UBE2R2: variants seen among roughly 807,000 people sequenced by gnomAD.
UBE2R2 encodes ubiquitin conjugating enzyme E2 R2.
In UBE2R2, 1 loss-of-function variant was observed where a neutral mutation model predicts 27.8. The observed-to-expected ratio is 0.04, with a 90% CI of 0.01 to 0.17. The LOEUF (loss-of-function observed/expected upper bound fraction) is 0.17. UBE2R2 is among the 10% of genes least tolerant of loss of function. The pLI, the probability that UBE2R2 is intolerant of heterozygous loss-of-function variation, is 1.00. For missense variants in UBE2R2, 100 were observed against 291.0 expected (o/e 0.34, Z 4.78); for synonymous variants, 106 against 113.3 (o/e 0.94, Z 0.41).
intron 1 of UBE2R2, among the ~76,000 whole-genome samples, chr9:33,825,365 C>T (rs1374379999): frequency 2.6e-5 from 4 of 151,802 alleles, no homozygotes; most frequent in South Asian, 4.1e-4. Flanking sequence ...CTCAGCTTCC[C>T]GAGTAGCTGG....
At chr9:33,869,921 ACCGAAACATCCG>A (rs890814584) in intron 1 of UBE2R2, among the ~76,000 whole-genome samples, 13 of 152,000 alleles carry the variant, frequency 8.6e-5, no homozygotes, top group African/African-American at 3.1e-4. Context: ...ATCTCGGCTC[ACCGAAACATCCG>A]CCTCCTGGGT....
At chr9:33,827,253 T>A (rs12343631) in intron 1 of UBE2R2, among the ~76,000 whole-genome samples, 2 of 152,076 alleles carry the variant, frequency 1.3e-5, no homozygotes, top group African/African-American at 2.4e-5. Flanking sequence ...CACTTGAGCC[T>A]GGGAGGTCGA....
intron 1 of UBE2R2, among the ~76,000 whole-genome samples, chr9:33,834,204 C>CT (rs1338617494): frequency 0.021 from 2,544 of 122,820 alleles, 73 homozygotes; most frequent in African/African-American, 0.066. Flanking sequence ...TTTTTTTTTT[C>CT]TTTTTTTTTT....
chr9:33,911,390 G>C (rs1200388314), intron 3 of UBE2R2, among the ~76,000 whole-genome samples: 9 of 63,668 alleles, frequency 1.4e-4, no homozygotes, highest in Non-Finnish European at 2.2e-4. Context: ...GAACAAGAGT[G>C]AAACTCCATC....
At chr9:33,867,059 G>T (rs948972520) in intron 1 of UBE2R2, among the ~76,000 whole-genome samples, 5 of 151,708 alleles carry the variant, frequency 3.3e-5, no homozygotes, top group Admixed American at 2.6e-4. Context: ...AATATTCCTG[G>T]TTTTTTTGGT....
chr9:33,914,326 A>G (rs1822581310), intron 4 of UBE2R2, among the ~76,000 whole-genome samples: 1 of 152,224 alleles, frequency 6.6e-6, no homozygotes, highest in Non-Finnish European at 1.5e-5. Flanking sequence ...TGTTTGCTAA[A>G]ATACAGGAGT....
rs534316189 is a variant in UBE2R2, at chr9:33,880,103, C to T, written c.178-6778C>T. Among the ~76,000 whole-genome samples the T allele has an allele frequency of 5.3e-4, 81 of 151,588 alleles. No homozygotes were observed. In the South Asian group the frequency reaches 8.5e-3, roughly 16 times the overall value. On this transcript the variant is annotated intron_variant, in intron 1 of 4. Transcript: ENST00000263228. ...GTCTTACCATGTTGCTCAGGCTGCC[C>T]TCCAACTCCTGCGCTCAAGGAATCC... is the stretch of plus-strand genomic sequence containing the variant.
chr9:33,883,026 T>C (rs1587467034), intron 1 of UBE2R2, among the ~76,000 whole-genome samples: 1 of 152,070 alleles, frequency 6.6e-6, no homozygotes, highest in Non-Finnish European at 1.5e-5. Flanking sequence ...GAAGTGGAAG[T>C]TGCAGTGAGC....
In UBE2R2 at chr9:33,817,544, A is replaced by G. The variant is rs1825825793; in HGVS notation, c.-214A>G. On this transcript the variant is annotated 5_prime_UTR_variant, in exon 1 of 5. Transcript: ENST00000263228. ...CCTCTCGCCCGGCCCGAGTGTGAGGAGAAGGGCCCGGCCCGGCCTGCGTCG... is the reference window on the plus strand; with the variant it reads ...CCTCTCGCCCGGCCCGAGTGTGAGGGGAAGGGCCCGGCCCGGCCTGCGTCG... 1.3e-5 allele frequency: 4 copies of G among 306,098 alleles called. No homozygotes were observed. The highest frequency in any genetic ancestry group is 2.0e-5 in the Non-Finnish European group (4 of 197,390). The allele number at this position is 306,098 out of a possible 1,614,324, so 19.0% of individuals were successfully genotyped here. A position where few individuals can be genotyped will look rare whatever the true frequency, so the allele number is the denominator to read the frequency against.
intron 1 of UBE2R2, among the ~76,000 whole-genome samples, chr9:33,820,753 T>C (rs931528856): frequency 1.3e-5 from 2 of 152,246 alleles, no homozygotes; most frequent in African/African-American, 2.4e-5. Context: ...CAGTCATTCT[T>C]TACATTTTTC....
At chr9:33,847,687 A>G (rs888085553) in intron 1 of UBE2R2, among the ~76,000 whole-genome samples, 6 of 151,566 alleles carry the variant, frequency 4.0e-5, no homozygotes, top group African/African-American at 1.5e-4. Flanking sequence ...TGTGTCTCCA[A>G]CACTGTGTTC....
intron 2 of UBE2R2, among the ~76,000 whole-genome samples, chr9:33,893,237 T>G (rs1822027699): frequency 6.6e-6 from 1 of 152,198 alleles, no homozygotes; most frequent in African/African-American, 2.4e-5. Context: ...CCATGTTCCC[T>G]CAATCTCTGG....
chr9:33,871,742 GCT>G (rs1274551305), intron 1 of UBE2R2, among the ~76,000 whole-genome samples: 1 of 152,084 alleles, frequency 6.6e-6, no homozygotes, highest in Non-Finnish European at 1.5e-5. Context: ...ACGGAGTCTC[GCT>G]CTGTCGCCCA....
At chr9:33,845,190 T>A (rs1414391842) in intron 1 of UBE2R2, among the ~76,000 whole-genome samples, 1 of 152,058 alleles carries the variant, frequency 6.6e-6, no homozygotes, top group Non-Finnish European at 1.5e-5. Context: ...CTTTTTTTCT[T>A]TTTTGTTTTT....
chr9:33,871,987 C>T (rs374188179), intron 1 of UBE2R2, among the ~76,000 whole-genome samples: 4 of 152,134 alleles, frequency 2.6e-5, no homozygotes, highest in Non-Finnish European at 5.9e-5. Context: ...GCTGGCATTA[C>T]AGGTGTGAGC....
At chr9:33,896,984 A>G (rs1304696179) in intron 2 of UBE2R2, among the ~76,000 whole-genome samples, 1 of 117,916 alleles carries the variant, frequency 8.5e-6, no homozygotes, top group Non-Finnish European at 1.8e-5. Flanking sequence ...TTTTTAATAT[A>G]TATTACGCTC....
At chr9:33,859,040 G>T (rs1490711805) in intron 1 of UBE2R2, among the ~76,000 whole-genome samples, 1 of 151,990 alleles carries the variant, frequency 6.6e-6, no homozygotes, top group Non-Finnish European at 1.5e-5. Context: ...TGGCCAGGCT[G>T]GTCTTGAACT....
intron 1 of UBE2R2, among the ~76,000 whole-genome samples, chr9:33,862,390 CTT>C (rs1821260052): frequency 6.6e-6 from 1 of 152,108 alleles, no homozygotes; most frequent in Admixed American, 6.6e-5. Context: ...TTGGGAGTGT[CTT>C]TTCCTGCTGG....
intron 1 of UBE2R2, among the ~76,000 whole-genome samples, chr9:33,865,566 T>C (rs977773649): frequency 6.6e-6 from 1 of 152,230 alleles, no homozygotes; most frequent in Non-Finnish European, 1.5e-5. Flanking sequence ...ATACTTCTAC[T>C]GTGGAAGATG....
Sources: allele counts gnomAD v4.1 joint callset (sites outside exome capture counted in the v4.1 genomes callset), GRCh38; gene constraint gnomAD v4.1.1; transcripts MANE v1.5; gene names NCBI Gene and HGNC (gene_info 2026-07-23, HGNC 2026-07-21).